Variants in NDUFS5 observed in about 807,000 individuals in gnomAD.
The protein encoded by NDUFS5 is NADH:ubiquinone oxidoreductase subunit S5, also known as NADH dehydrogenase [ubiquinone] iron-sulfur protein 5.
A neutral mutation model predicts 10.5 loss-of-function variants in NDUFS5; 7 were observed. The observed-to-expected ratio is 0.66, with a 90% CI of 0.38 to 1.25. The LOEUF (loss-of-function observed/expected upper bound fraction) is 1.25. Among genes scored for constraint, NDUFS5 ranks in the 50% most tolerant of loss-of-function variants. NDUFS5 has a pLI of 0.02. For missense variants in NDUFS5, 148 were observed against 140.7 expected (o/e 1.05, Z -0.26); for synonymous variants, 38 against 44.0 (o/e 0.86, Z 0.54).
intron 2 of NDUFS5, among the ~76,000 whole-genome samples, chr1:39,032,274 C>T (rs981649934): frequency 3.9e-5 from 6 of 152,176 alleles, no homozygotes; most frequent in Admixed American, 1.3e-4. Flanking sequence ...CCTGGCAAGG[C>T]TGGCTTCAAT....
rs1644170376 is a variant in NDUFS5, at chr1:39,028,791, G to A, written c.67G>A (p.Gly23Ser). The A allele has an allele frequency of 1.2e-6, 2 of 1,613,958 alleles. No homozygotes were observed. The highest frequency in any genetic ancestry group is 4.5e-5 in the East Asian group (2 of 44,892). The stretch of plus-strand genomic sequence containing the variant: ...AGATCGATGGTTGACAATCCAGAGT[G>A]GTGAACAGCCCTACAAGATGGCTGG... Reference protein sequence around the residue: ...NIDRWLTIQSGEQPYKMAGRC... With the variant: ...NIDRWLTIQSSEQPYKMAGRC... The change falls in exon 2 of 3, where the codon GGT becomes AGT. Residue 23 changes from glycine to serine, a missense_variant. Physicochemically the swap from Gly to Ser is moderately conservative, Grantham distance 56. Transcript: ENST00000372969.
intron 1 of NDUFS5, among the ~76,000 whole-genome samples, chr1:39,027,215 C>T (rs1557650803): frequency 6.6e-6 from 1 of 152,152 alleles, no homozygotes; most frequent in East Asian, 1.9e-4. Flanking sequence ...GGATTACAGG[C>T]ATGCGCCCCC....
intron 2 of NDUFS5, among the ~76,000 whole-genome samples, chr1:39,029,256 G>A (rs1257981656): frequency 6.6e-6 from 1 of 152,118 alleles, no homozygotes; most frequent in Non-Finnish European, 1.5e-5. Context: ...GCCTCCCAAA[G>A]TAGTGGGATC....
At chr1:39,033,614 G>A (rs1570993767) in intron 2 of NDUFS5, among the ~76,000 whole-genome samples, 1 of 145,850 alleles carries the variant, frequency 6.9e-6, no homozygotes. Flanking sequence ...CGATTCTCCT[G>A]CCTCAGCCTC....
chr1:39,027,581 G>GTTTTTTTTTTTTTTTTTTTTTTTTT lies in NDUFS5; in HGVS notation c.-2-1127_-2-1126insTTTTTTTTTTTTTTTTTTTTTTTTT, dbSNP rs760373747. On this transcript the variant is annotated intron_variant, in intron 1 of 2. Coordinates refer to ENST00000372969, the MANE Select transcript of NDUFS5 (RefSeq NM_004552.3). ...GTCTTAACCCATTTCTTTCGCTCTG[G>GTTTTTTTTTTTTTTTTTTTTTTTTT]TTTTTTTTTTTTTTTGAGACAGGAT... Among the ~76,000 whole-genome samples the GTTTTTTTTTTTTTTTTTTTTTTTTT allele has an allele frequency of 8.8e-5, 8 of 91,162 alleles. 1 individual carries two copies. The highest frequency in any genetic ancestry group is 1.3e-4 in the Non-Finnish European group (6 of 45,276). 59.8% of individuals were successfully genotyped at this position (91,162 alleles called of 152,430 possible). A position where few individuals can be genotyped will look rare whatever the true frequency, so the allele number is the denominator to read the frequency against.
intron 2 of NDUFS5, among the ~76,000 whole-genome samples, chr1:39,031,158 C>T (rs1357996925): frequency 6.6e-6 from 1 of 152,116 alleles, no homozygotes; most frequent in Non-Finnish European, 1.5e-5. Context: ...GTGTGAGACA[C>T]TGCACCTGGC....
In NDUFS5 at chr1:39,028,930, G is replaced by T. The variant is rs368988409; in HGVS notation, c.206G>T (p.Arg69Leu). The change falls in exon 2 of 3, where the codon CGG becomes CTG. Residue 69 changes from arginine to leucine, a missense_variant. Physicochemically the swap from Arg to Leu is moderately radical, Grantham distance 102. Coordinates refer to ENST00000372969, the MANE Select transcript of NDUFS5 (RefSeq NM_004552.3). ...GATGATTTCGTAGAGTGTTTGCTTC[G>T]GCAGAAAACGGTAAGGAAATGATGG... is the stretch of plus-strand genomic sequence containing the variant. ...EYDDFVECLL[R>L]QKTMRRAGTI... 16 of 1,613,522 alleles carry T rather than the reference G, an allele frequency of 9.9e-6. No individual in the cohort carries two copies. Among genetic ancestry groups the T allele is most frequent in the Non-Finnish European group, 1.3e-5 (15 of 1,179,712 alleles).
chr1:39,032,498 C>G (rs1304425582), intron 2 of NDUFS5, among the ~76,000 whole-genome samples: 2 of 151,882 alleles, frequency 1.3e-5, no homozygotes, highest in African/African-American at 2.4e-5. Flanking sequence ...AGACGTTTAA[C>G]TGAATATACT....
chr1:39,031,592 C>T (rs531333914), intron 2 of NDUFS5, among the ~76,000 whole-genome samples: 8 of 152,238 alleles, frequency 5.3e-5, no homozygotes, highest in East Asian at 3.9e-4. Context: ...AGAAATGAGC[C>T]GCCACGTCCA....
intron 1 of NDUFS5, among the ~76,000 whole-genome samples, chr1:39,027,819 T>C (rs1311820999): frequency 1.5e-4 from 10 of 66,354 alleles, no homozygotes; most frequent in East Asian, 9.1e-4. Flanking sequence ...TTCTTCTTTT[T>C]TTTTTTTTTT....
At chr1:39,033,446 G>A (rs1219090554) in intron 2 of NDUFS5, among the ~76,000 whole-genome samples, 7 of 151,082 alleles carry the variant, frequency 4.6e-5, no homozygotes, top group East Asian at 2.0e-4. Flanking sequence ...GGTGGCGGGC[G>A]CCTGTAGTCC....
intron 1 of NDUFS5, among the ~76,000 whole-genome samples, chr1:39,027,051 G>T (rs1040772039): frequency 1.6e-4 from 25 of 152,314 alleles, no homozygotes; most frequent in African/African-American, 6.0e-4. Flanking sequence ...TGAGGGATGG[G>T]AAGGAACTTA....
At chr1:39,030,555 A>G (rs1322683946) in intron 2 of NDUFS5, among the ~76,000 whole-genome samples, 1 of 151,940 alleles carries the variant, frequency 6.6e-6, no homozygotes, top group Admixed American at 6.6e-5. Context: ...AAATACAAAA[A>G]AATTAGCTGG....
At chr1:39,028,699 A>G in intron 1 of NDUFS5, 24 bp from the exon 2 acceptor site, 2 of 1,607,234 alleles carry the variant, frequency 1.2e-6, no homozygotes, top group Non-Finnish European at 1.7e-6. Context: ...TTATTTACTT[A>G]TTTTTTTAAA....
At position 39,032,601 on chromosome 1, in the gene NDUFS5, CAAA is replaced by C. The variant is rs11347725; in HGVS notation, c.217-1781_217-1779del. 2.7e-5 allele frequency among the ~76,000 whole-genome samples: 4 copies of C among 149,148 alleles called. No homozygotes were observed. In the Admixed American group the frequency reaches 2.7e-4, roughly 10 times the overall value. On this transcript the variant is annotated intron_variant, in intron 2 of 2. Coordinates refer to ENST00000372969, the MANE Select transcript of NDUFS5 (RefSeq NM_004552.3). ...ACTAGGAATACAGTAAGCAAAACAG[CAAA>C]AAAAAAAAATCTCAGAGTCAGTGAG...
At chr1:39,027,139 C>T (rs2148079454) in intron 1 of NDUFS5, among the ~76,000 whole-genome samples, 1 of 152,170 alleles carries the variant, frequency 6.6e-6, no homozygotes, top group South Asian at 2.1e-4. Flanking sequence ...GGCGCGATCT[C>T]GGCTCACTGC....
At chr1:39,030,251 A>G (rs1204567872) in intron 2 of NDUFS5, among the ~76,000 whole-genome samples, 1 of 151,822 alleles carries the variant, frequency 6.6e-6, no homozygotes, top group Non-Finnish European at 1.5e-5. Flanking sequence ...CTAAAAATAC[A>G]AAAATTACCT....
intron 1 of NDUFS5, among the ~76,000 whole-genome samples, chr1:39,027,159 C>T (rs1326439536): frequency 6.6e-6 from 1 of 152,188 alleles, no homozygotes; most frequent in East Asian, 1.9e-4. Flanking sequence ...CAGCCTCTGC[C>T]TCCCGGATTC....
At chr1:39,033,984 A>G (rs1644211119) in intron 2 of NDUFS5, among the ~76,000 whole-genome samples, 1 of 151,264 alleles carries the variant, frequency 6.6e-6, no homozygotes, top group South Asian at 2.1e-4. Flanking sequence ...TATTTTTAGT[A>G]GAAACAAGGT....
Sources: allele counts gnomAD v4.1 joint callset (sites outside exome capture counted in the v4.1 genomes callset), GRCh38; gene constraint gnomAD v4.1.1; transcripts MANE v1.5; gene names NCBI Gene and HGNC (gene_info 2026-07-23, HGNC 2026-07-21).